Variants in CELF2 observed in about 807,000 individuals in gnomAD.
CELF2 encodes the protein CUGBP Elav-like family member 2.
Under a neutral mutation model 62.6 loss-of-function variants are expected in CELF2, and 8 were observed. The ratio of observed to expected loss-of-function variants is 0.13; its 90% CI spans 0.07 to 0.23. CELF2 has a LOEUF of 0.23. CELF2 is among the 10% of genes least tolerant of loss of function. The pLI is 1.00. For synonymous variants in CELF2, 258 were observed against 250.0 expected, an observed-to-expected ratio of 1.03 and a Z score of -0.30; for missense variants, 333 against 671.0, an observed-to-expected ratio of 0.50 and a Z score of 5.56.
the CELF2 span, among the ~76,000 whole-genome samples, chr10:10,770,615 G>T: frequency 1.3e-5 from 2 of 151,952 alleles, no homozygotes; most frequent in East Asian, 3.9e-4. Context: ...ATGAGGTTCA[G>T]ATTATTCTTA....
At chr10:10,546,751 A>G in the CELF2 span, among the ~76,000 whole-genome samples, 1 of 152,208 alleles carries the variant, frequency 6.6e-6, no homozygotes, top group Non-Finnish European at 1.5e-5. Context: ...AGTCAGGGAA[A>G]AGGAGAGACA....
At chr10:11,171,960 C>T (rs377151822) in intron 2 of CELF2, among the ~76,000 whole-genome samples, 5 of 152,032 alleles carry the variant, frequency 3.3e-5, no homozygotes, top group Admixed American at 1.3e-4. Flanking sequence ...AAAACATGTC[C>T]GAAAGTTCAC....
intron 2 of CELF2, among the ~76,000 whole-genome samples, chr10:10,921,891 C>T (rs1369772102): frequency 7.2e-5 from 11 of 152,116 alleles, no homozygotes; most frequent in Admixed American, 6.5e-4. Flanking sequence ...GATAATCATG[C>T]GTGAATGTAT....
intron 1 of CELF2, among the ~76,000 whole-genome samples, chr10:11,006,197 G>A (rs1331948068): frequency 2.6e-5 from 4 of 152,184 alleles, no homozygotes; most frequent in Admixed American, 6.5e-5. Context: ...CAATGGGACC[G>A]GTTGAACAAT....
chr10:10,567,668 C>T, the CELF2 span, among the ~76,000 whole-genome samples: 3 of 152,104 alleles, frequency 2.0e-5, no homozygotes, highest in African/African-American at 7.2e-5. Context: ...GCGTCGATGC[C>T]TGAATCTTGA....
intron 9 of CELF2, among the ~76,000 whole-genome samples, chr10:11,291,544 C>A (rs1465053147): frequency 2.0e-5 from 3 of 152,166 alleles, no homozygotes; most frequent in Non-Finnish European, 4.4e-5. Context: ...GAAATTAAAT[C>A]ATGAAAGAAT....
chr10:10,576,775 A>G, the CELF2 span, among the ~76,000 whole-genome samples: 26 of 152,244 alleles, frequency 1.7e-4, no homozygotes, highest in African/African-American at 6.0e-4. Flanking sequence ...ATTCACTTGT[A>G]CAGTGTGTGG....
chr10:11,006,350 T>TA (rs1564352588), intron 1 of CELF2, among the ~76,000 whole-genome samples: 1 of 152,202 alleles, frequency 6.6e-6, no homozygotes, highest in African/African-American at 2.4e-5. Flanking sequence ...TTAGTGCTTT[T>TA]AAAAAATTTA....
chr10:11,141,530 C>T (rs1384328493), intron 1 of CELF2, among the ~76,000 whole-genome samples: 3 of 152,202 alleles, frequency 2.0e-5, no homozygotes, highest in East Asian at 1.9e-4. Context: ...AGCAGATTGA[C>T]GTTCTTGGAA....
upstream of CELF2, among the ~76,000 whole-genome samples, chr10:11,003,573 A>G (rs1243739358): frequency 6.6e-6 from 1 of 152,182 alleles, no homozygotes; most frequent in Non-Finnish European, 1.5e-5. This position sits in a 1 kb window ranked among gnomAD's most constrained non-coding sequence, Gnocchi z 4.4. Flanking sequence ...TTTAAAATAA[A>G]TTAGCATTTG....
At chr10:11,104,524 A>C (rs2052799916) in intron 1 of CELF2, among the ~76,000 whole-genome samples, 1 of 152,110 alleles carries the variant, frequency 6.6e-6, no homozygotes, top group East Asian at 1.9e-4. Context: ...CCCTACAAAA[A>C]ATACAAAAAT....
chr10:11,171,320 G>A (rs142967682), intron 2 of CELF2: 12 of 152,324 alleles, frequency 7.9e-5, no homozygotes, highest in African/African-American at 2.2e-4. Flanking sequence ...TTTCAGCCTC[G>A]TCTTGGTCAG....
At chr10:10,519,652 G>T in the CELF2 span, among the ~76,000 whole-genome samples, 2 of 152,202 alleles carry the variant, frequency 1.3e-5, no homozygotes, top group African/African-American at 4.8e-5. Flanking sequence ...GGGTTGTTGT[G>T]TTTATGAAAA....
At chr10:10,944,604 T>C (rs897158536) in intron 2 of CELF2, among the ~76,000 whole-genome samples, 24 of 151,830 alleles carry the variant, frequency 1.6e-4, no homozygotes, top group Non-Finnish European at 4.4e-5. Context: ...GATTTTTTTT[T>C]CTTTTGTTTT....
At chr10:11,107,864 A>ACCTCCTCCCTTCTC (rs1564771352) in intron 1 of CELF2, among the ~76,000 whole-genome samples, 1 of 68,356 alleles carries the variant, frequency 1.5e-5, no homozygotes, top group Admixed American at 1.2e-4. Flanking sequence ...CATCCCTTCT[A>ACCTCCTCCCTTCTC]CCATCTCCTC....
intron 1 of CELF2, among the ~76,000 whole-genome samples, chr10:11,072,322 T>C (rs1328967786): frequency 1.3e-5 from 2 of 152,238 alleles, no homozygotes; most frequent in African/African-American, 4.8e-5. Flanking sequence ...AGTTGTTTCT[T>C]TGCCTTGAGG....
chr10:10,879,365 T>C (rs1367254334), intron 1 of CELF2, among the ~76,000 whole-genome samples: 1 of 152,202 alleles, frequency 6.6e-6, no homozygotes, highest in Non-Finnish European at 1.5e-5. Context: ...TGCAACCTGG[T>C]TAAATCCACA....
At chr10:10,473,348 T>C in the CELF2 span, among the ~76,000 whole-genome samples, 1 of 151,838 alleles carries the variant, frequency 6.6e-6, no homozygotes, top group African/African-American at 2.4e-5. Flanking sequence ...AAGGTAAGAG[T>C]TTCTTTACAG....
chr10:10,575,184 T>C, the CELF2 span, among the ~76,000 whole-genome samples: 2 of 152,292 alleles, frequency 1.3e-5, no homozygotes, highest in Non-Finnish European at 2.9e-5. Flanking sequence ...TCACTGAGCC[T>C]GTTTCTTCTA....
Sources: allele counts gnomAD v4.1 joint callset (sites outside exome capture counted in the v4.1 genomes callset), GRCh38; gene constraint gnomAD v4.1.1; non-coding constraint Gnocchi (gnomAD v3.1); transcripts MANE v1.5; gene names NCBI Gene and HGNC (gene_info 2026-07-23, HGNC 2026-07-21).